Variants in CADPS observed in about 807,000 individuals in gnomAD.
CADPS encodes calcium-dependent secretion activator 1.
In CADPS, 57 loss-of-function variants were observed where a neutral mutation model predicts 167.3. The ratio of observed to expected loss-of-function variants is 0.34; its 90% CI spans 0.28 to 0.42. The LOEUF (loss-of-function observed/expected upper bound fraction) is 0.42, where lower values mean the gene tolerates loss of function less well. CADPS is among the 20% of genes least tolerant of loss of function. The pLI is 1.00. For missense variants in CADPS, 1,414 were observed against 1,738.1 expected (o/e 0.81, Z 3.32); for synonymous variants, 676 against 635.3 (o/e 1.06, Z -0.96).
intron 17 of CADPS, among the ~76,000 whole-genome samples, chr3:62,506,556 A>G (rs1325025601): frequency 6.6e-6 from 1 of 152,310 alleles, no homozygotes; most frequent in East Asian, 1.9e-4. Flanking sequence ...GAGCTGTTGC[A>G]TATAAGAAAA....
At chr3:62,571,157 C>G (rs539248327) in intron 8 of CADPS, among the ~76,000 whole-genome samples, 2 of 152,290 alleles carry the variant, frequency 1.3e-5, no homozygotes, top group South Asian at 4.1e-4. Context: ...ACTTAGACTC[C>G]TTGACTGATT....
intron 11 of CADPS, among the ~76,000 whole-genome samples, chr3:62,545,496 A>G (rs781102895): frequency 6.6e-6 from 1 of 152,310 alleles, no homozygotes; most frequent in Non-Finnish European, 1.5e-5. Context: ...AAAGAAAAAA[A>G]TTAAATCAAC....
chr3:62,561,606 C>T (rs764007466), intron 9 of CADPS, among the ~76,000 whole-genome samples: 8 of 151,930 alleles, frequency 5.3e-5, no homozygotes, highest in South Asian at 2.1e-4. Flanking sequence ...CTGAGAACCA[C>T]GGTTTTAATA....
At chr3:62,707,440 T>C (rs1384348686) in intron 3 of CADPS, among the ~76,000 whole-genome samples, 1 of 152,088 alleles carries the variant, frequency 6.6e-6, no homozygotes, top group Non-Finnish European at 1.5e-5. Flanking sequence ...CACCATTATA[T>C]CCATAACACT....
intron 6 of CADPS, among the ~76,000 whole-genome samples, chr3:62,630,365 G>A (rs1395437282): frequency 1.3e-5 from 2 of 152,058 alleles, no homozygotes; most frequent in East Asian, 3.9e-4. Context: ...CTTGGAAATA[G>A]AGTCTCACAC....
At chr3:62,654,668 C>A (rs9881369) in intron 4 of CADPS, among the ~76,000 whole-genome samples, 2,394 of 152,202 alleles carry the variant, frequency 0.016, 50 homozygotes, top group African/African-American at 0.054. Context: ...TGTCACGGAA[C>A]AAAGGTTACA....
rs751698526 is a variant in CADPS, at chr3:62,465,288, T to C, written c.3636+79A>G. On this transcript the variant is annotated intron_variant, in intron 26 of 29. Coordinates refer to ENST00000383710, the MANE Select transcript of CADPS (RefSeq NM_003716.4). The surrounding 1 kb of genome is among the most constrained non-coding windows in gnomAD (Gnocchi z 4.1). ...CACACACACCCATCCCAAAACAAAA[T>C]GACACAACATAACTCCTCTCCCAAG... The C allele has an allele frequency of 1.0e-6, 1 of 992,512 alleles. No individual in the cohort carries two copies. Among genetic ancestry groups the C allele is most frequent in the Non-Finnish European group, 1.5e-6 (1 of 653,758 alleles). 61.5% of individuals were successfully genotyped at this position (992,512 alleles called of 1,614,324 possible).
chr3:62,824,966 C>T (rs1458932924), intron 1 of CADPS, among the ~76,000 whole-genome samples: 1 of 152,132 alleles, frequency 6.6e-6, no homozygotes, highest in Non-Finnish European at 1.5e-5. Flanking sequence ...TACCAACACA[C>T]ACATACACAG....
chr3:62,529,949 A>T (rs1189492775), intron 13 of CADPS, among the ~76,000 whole-genome samples: 1 of 152,196 alleles, frequency 6.6e-6, no homozygotes. Flanking sequence ...GCACAGAATA[A>T]AACTGGAAAT....
chr3:62,560,596 A>G (rs1414518911), intron 9 of CADPS, among the ~76,000 whole-genome samples: 1 of 152,186 alleles, frequency 6.6e-6, no homozygotes, highest in Non-Finnish European at 1.5e-5. Context: ...TGTCTTTCAC[A>G]TCCTTGGGAT....
In CADPS at chr3:62,491,330, T is replaced by G; in HGVS notation, c.3026+9A>C. 1 of 1,612,366 alleles carries G rather than the reference T, an allele frequency of 6.2e-7. No homozygotes were observed. Among genetic ancestry groups the G allele is most frequent in the Non-Finnish European group, 8.5e-7 (1 of 1,179,458 alleles). On this transcript the variant is annotated intron_variant, in intron 21 of 29. Coordinates refer to ENST00000383710, the MANE Select transcript of CADPS (RefSeq NM_003716.4). Reference sequence around the variant, plus strand: ...CAAACTCCGATGGTATCAAAAAAGGTTTCCTTACTTGACTGGTTCCCATGA... The same window carrying G: ...CAAACTCCGATGGTATCAAAAAAGGGTTCCTTACTTGACTGGTTCCCATGA...
At chr3:62,560,816 T>C (rs1408665719) in intron 9 of CADPS, among the ~76,000 whole-genome samples, 2 of 152,156 alleles carry the variant, frequency 1.3e-5, no homozygotes, top group Admixed American at 6.6e-5. Context: ...CGCAGTGGCT[T>C]ACGCCTGTAA....
intron 19 of CADPS, among the ~76,000 whole-genome samples, 165 bp downstream of exon 19, chr3:62,493,480 T>C (rs974543225): frequency 6.6e-6 from 1 of 152,164 alleles, no homozygotes; most frequent in Non-Finnish European, 1.5e-5. Flanking sequence ...GGAAGGCATT[T>C]GAAAATATGA....
In CADPS at chr3:62,421,456, G is replaced by C. The variant is rs2051368224; in HGVS notation, c.3777+16648C>G. On this transcript the variant is annotated intron_variant, in intron 28 of 29. Transcript: ENST00000383710. This position sits in a 1 kb window ranked among gnomAD's most constrained non-coding sequence, Gnocchi z 4.7. Reference sequence around the variant, plus strand: ...CCCTTTTTGCTGACAGATGTACAAAGGCGGAACTGCGCCGTGCAGCTTATC... The same window carrying C: ...CCCTTTTTGCTGACAGATGTACAAACGCGGAACTGCGCCGTGCAGCTTATC... 6.6e-6 allele frequency among the ~76,000 whole-genome samples: 1 copy of C among 152,144 alleles called. No homozygotes were observed. The highest frequency in any genetic ancestry group is 6.5e-5 in the Admixed American group (1 of 15,284).
At position 62,744,719 on chromosome 3, in the gene CADPS, T is replaced by A. The variant is rs189934415; in HGVS notation, c.888+8722A>T. Reference sequence around the variant, plus strand: ...GTGGCTCAATGCATATGAAAAGACTTTGAATAAATGAGCATACTTATGAAT... The same window carrying A: ...GTGGCTCAATGCATATGAAAAGACTATGAATAAATGAGCATACTTATGAAT... On this transcript the variant is annotated intron_variant, in intron 3 of 29. Transcript: ENST00000383710. Among the ~76,000 whole-genome samples the A allele has an allele frequency of 5.3e-5, 8 of 152,352 alleles. No homozygotes were observed. The East Asian group carries it at 1.5e-3, about 29-fold the overall frequency.
chr3:62,541,650 C>T (rs1448456784), intron 11 of CADPS, among the ~76,000 whole-genome samples: 1 of 152,106 alleles, frequency 6.6e-6, no homozygotes, highest in African/African-American at 2.4e-5. Context: ...TAAAGTGATA[C>T]TATTATGTGG....
chr3:62,479,077 G>A (rs958267236), intron 22 of CADPS, among the ~76,000 whole-genome samples: 13 of 152,320 alleles, frequency 8.5e-5, no homozygotes, highest in African/African-American at 2.9e-4. Context: ...TCACCAGGAT[G>A]AGGTGAGTCG....
At chr3:62,471,705 C>T (rs2060644395) in intron 24 of CADPS, among the ~76,000 whole-genome samples, 1 of 152,054 alleles carries the variant, frequency 6.6e-6, no homozygotes, top group Non-Finnish European at 1.5e-5. Flanking sequence ...TGCACCCTGG[C>T]CTAGCACCAT....
chr3:62,418,089 C>T (rs1349129754), intron 28 of CADPS, among the ~76,000 whole-genome samples: 1 of 152,052 alleles, frequency 6.6e-6, no homozygotes, highest in Admixed American at 6.6e-5. Context: ...GACTTAAACT[C>T]ATTTACTTCT....
Sources: allele counts gnomAD v4.1 joint callset (sites outside exome capture counted in the v4.1 genomes callset), GRCh38; gene constraint gnomAD v4.1.1; non-coding constraint Gnocchi (gnomAD v3.1); transcripts MANE v1.5; gene names NCBI Gene and HGNC (gene_info 2026-07-23, HGNC 2026-07-21).